The following NEGR1 variants were observed in gnomAD, a reference collection of about 807,000 sequenced individuals.
NEGR1 encodes the protein IgLON family member 4.
NEGR1 carries 10 observed loss-of-function variants against 40.9 expected under a neutral mutation model. The ratio of observed to expected loss-of-function variants is 0.24; its 90% CI spans 0.15 to 0.42. The LOEUF is 0.42. Among genes scored for constraint, NEGR1 ranks in the 10% least tolerant of loss-of-function variants. The probability of loss-of-function intolerance (pLI) is 1.00; values close to 1 mark genes in which losing one functional copy is unlikely to be tolerated. For synonymous variants in NEGR1, 185 were observed against 166.8 expected, an observed-to-expected ratio of 1.11 and a Z score of -0.84; for missense variants, 352 against 438.9, an observed-to-expected ratio of 0.80 and a Z score of 1.77.
At chr1:72,195,434 T>C (rs1652966137) in intron 1 of NEGR1, among the ~76,000 whole-genome samples, 1 of 152,012 alleles carries the variant, frequency 6.6e-6, no homozygotes, top group South Asian at 2.1e-4. Flanking sequence ...TAATTTTAAT[T>C]GAAATTATTC....
intron 1 of NEGR1, among the ~76,000 whole-genome samples, chr1:72,091,524 C>T (rs535103734): frequency 2.2e-4 from 33 of 151,630 alleles, no homozygotes; most frequent in Non-Finnish European, 3.5e-4. Flanking sequence ...TACATCACAG[C>T]CCCATAGGAG....
At chr1:71,545,183 T>C (rs1647851102) in intron 6 of NEGR1, among the ~76,000 whole-genome samples, 1 of 151,426 alleles carries the variant, frequency 6.6e-6, no homozygotes, top group South Asian at 2.1e-4. Flanking sequence ...TGGTGTGGGG[T>C]ACAAGGTCCC....
intron 4 of NEGR1, 123 bp from the exon 5 acceptor site, chr1:71,611,269 C>T (rs537927549): frequency 1.4e-5 from 11 of 805,222 alleles, no homozygotes; most frequent in African/African-American, 5.2e-5. Flanking sequence ...GATAGACCAA[C>T]GCATCACATT....
intron 1 of NEGR1, among the ~76,000 whole-genome samples, chr1:71,937,511 G>T (rs554401605): frequency 6.6e-6 from 1 of 152,260 alleles, no homozygotes; most frequent in Non-Finnish European, 1.5e-5. Context: ...CTCTTTCAGG[G>T]TATAGATTGC....
intron 5 of NEGR1, among the ~76,000 whole-genome samples, chr1:71,607,534 C>T (rs1650108538): frequency 6.6e-6 from 1 of 152,114 alleles, no homozygotes. Flanking sequence ...TACTTAAAAG[C>T]ATTCTATGCT....
chr1:71,445,551 G>A (rs1415240855), intron 6 of NEGR1, among the ~76,000 whole-genome samples: 1 of 152,128 alleles, frequency 6.6e-6, no homozygotes, highest in Non-Finnish European at 1.5e-5. Flanking sequence ...CCTGCTTAGA[G>A]TCTGACACAA....
At chr1:71,759,596 CTTTTTTTTTTTTTTTTTTT>C (rs71074804) in intron 3 of NEGR1, among the ~76,000 whole-genome samples, 4,113 of 32,220 alleles carry the variant, frequency 0.13, 345 homozygotes, top group African/African-American at 0.32. Flanking sequence ...TGCGTCCAGG[CTTTTTTTTTTTTTTTTTTT>C]TTTTTTTTTT....
intron 6 of NEGR1, among the ~76,000 whole-genome samples, chr1:71,470,849 A>G (rs1042151265): frequency 6.6e-5 from 10 of 152,122 alleles, no homozygotes; most frequent in African/African-American, 1.4e-4. Flanking sequence ...TCTAACTGAT[A>G]TACTTTAACT....
chr1:71,708,643 G>A (rs936704126), intron 3 of NEGR1, among the ~76,000 whole-genome samples: 2 of 151,930 alleles, frequency 1.3e-5, no homozygotes, highest in Non-Finnish European at 2.9e-5. Context: ...AGAATGTGCA[G>A]GCTTGTTACA....
chr1:72,005,410 T>A (rs1334509605), intron 1 of NEGR1, among the ~76,000 whole-genome samples: 1 of 152,198 alleles, frequency 6.6e-6, no homozygotes, highest in Non-Finnish European at 1.5e-5. Context: ...GATTACATAC[T>A]CATTATTAGA....
At chr1:71,832,025 G>A (rs555607199) in intron 2 of NEGR1, among the ~76,000 whole-genome samples, 153 of 151,918 alleles carry the variant, frequency 1.0e-3, no homozygotes, top group African/African-American at 3.6e-3. Flanking sequence ...ATGTAAGTAC[G>A]CAAGATGGAT....
At chr1:71,968,193 T>G (rs1053385001) in intron 1 of NEGR1, among the ~76,000 whole-genome samples, 3 of 152,084 alleles carry the variant, frequency 2.0e-5, no homozygotes, top group African/African-American at 7.2e-5. Flanking sequence ...AATGTGCAAA[T>G]TGCACTGGAA....
intron 4 of NEGR1, among the ~76,000 whole-genome samples, chr1:71,632,555 A>T (rs1205806183): frequency 1.3e-5 from 2 of 151,064 alleles, no homozygotes; most frequent in African/African-American, 2.4e-5. Context: ...TATATACATT[A>T]TACTATATAT....
chr1:71,540,322 G>A (rs934135416), intron 6 of NEGR1, among the ~76,000 whole-genome samples: 1 of 151,720 alleles, frequency 6.6e-6, no homozygotes, highest in African/African-American at 2.4e-5. Flanking sequence ...GAAACTGATA[G>A]GTTTATAAAA....
At chr1:72,187,218 C>G (rs1184773286) in intron 1 of NEGR1, among the ~76,000 whole-genome samples, 1 of 151,346 alleles carries the variant, frequency 6.6e-6, no homozygotes, top group African/African-American at 2.4e-5. Flanking sequence ...TTTCTTCCCT[C>G]TATAAAGCTC....
At chr1:71,982,326 T>G (rs1646360919) in intron 1 of NEGR1, among the ~76,000 whole-genome samples, 1 of 151,968 alleles carries the variant, frequency 6.6e-6, no homozygotes, top group Admixed American at 6.6e-5. Flanking sequence ...GAAGAATTTC[T>G]CAGTCCTCAC....
At chr1:71,501,818 T>G (rs1274061700) in intron 6 of NEGR1, among the ~76,000 whole-genome samples, 1 of 152,230 alleles carries the variant, frequency 6.6e-6, no homozygotes, top group Non-Finnish European at 1.5e-5. Flanking sequence ...TGATAGAGTT[T>G]ATTACAATTA....
chr1:72,046,688 G>T (rs1647005267), intron 1 of NEGR1, among the ~76,000 whole-genome samples: 1 of 151,458 alleles, frequency 6.6e-6, no homozygotes, highest in Admixed American at 6.6e-5. Flanking sequence ...GTAATGAAAG[G>T]TACTTTTACA....
At chr1:72,050,524 T>C (rs1254577928) in intron 1 of NEGR1, among the ~76,000 whole-genome samples, 1 of 151,626 alleles carries the variant, frequency 6.6e-6, no homozygotes, top group Admixed American at 6.6e-5. Flanking sequence ...TCTACTTCAA[T>C]TCTAACTAAT....
Sources: gnomAD v4.1 joint callset for allele counts (sites outside exome capture counted in the v4.1 genomes callset) on GRCh38, gnomAD v4.1.1 for gene constraint, MANE v1.5 for transcripts, NCBI Gene and HGNC (gene_info 2026-07-23, HGNC 2026-07-21) for gene names.